ABCA13: variants seen among roughly 807,000 people sequenced by gnomAD.
ABCA13 encodes ATP-binding cassette sub-family A member 13.
A neutral mutation model predicts 478.7 loss-of-function variants in ABCA13; 476 were observed. That is an observed-to-expected ratio of 0.99 (90% CI 0.92 to 1.07). ABCA13 has a LOEUF of 1.07. Among genes scored for constraint, ABCA13 ranks in the 50% least tolerant of loss-of-function variants. The pLI is 0.00. For missense variants in ABCA13, 6,060 were observed against 5,910.6 expected (o/e 1.03, Z -0.83); for synonymous variants, 2,252 against 2,158.9 (o/e 1.04, Z -1.20).
chr7:48,367,995 C>G (rs1197881975), intron 32 of ABCA13, 87 bp downstream of exon 32: 1 of 1,029,748 alleles, frequency 9.7e-7, no homozygotes, highest in African/African-American at 1.6e-5. Flanking sequence ...CCAACCTGAG[C>G]CTCTCTGTTT....
rs563405686 is a variant in ABCA13 at position 48,335,908 on chromosome 7, A to G, written c.10113+373A>G. On this transcript the variant is annotated intron_variant, in intron 28 of 61. Transcript: ENST00000435803. ...AATATTTTTAAAAGGAACGACTTAC[A>G]GTTTAGAATGGCCTGACTCCATTAG... 2.6e-5 allele frequency among the ~76,000 whole-genome samples: 4 copies of G among 152,352 alleles called. No homozygotes were observed. In the East Asian group the frequency reaches 7.7e-4, roughly 29 times the overall value.
chr7:48,305,540 A>T (rs930223372), intron 23 of ABCA13, among the ~76,000 whole-genome samples: 1 of 152,164 alleles, frequency 6.6e-6, no homozygotes, highest in Non-Finnish European at 1.5e-5. Context: ...AGTTCCCTTG[A>T]ATCACTGTCC....
At chr7:48,526,347 T>A (rs1374315920) in intron 54 of ABCA13, among the ~76,000 whole-genome samples, 3 of 152,150 alleles carry the variant, frequency 2.0e-5, no homozygotes, top group Non-Finnish European at 4.4e-5. Flanking sequence ...TTGTAAAACA[T>A]TGACAGAATG....
intron 43 of ABCA13, 129 bp downstream of exon 43, chr7:48,455,415 T>G (rs1825555537): frequency 6.0e-6 from 8 of 1,330,558 alleles, no homozygotes; most frequent in Non-Finnish European, 8.0e-6. Flanking sequence ...TTCCGAGGTC[T>G]GAATTCACGA....
intron 55 of ABCA13, among the ~76,000 whole-genome samples, chr7:48,559,981 G>C (rs1786281636): frequency 6.6e-6 from 1 of 152,170 alleles, no homozygotes; most frequent in Admixed American, 6.5e-5. Flanking sequence ...GCCTTGGGTT[G>C]AGGGAAGGGT....
At chr7:48,641,814 T>C (rs1413671878) in intron 59 of ABCA13, among the ~76,000 whole-genome samples, 3 of 152,126 alleles carry the variant, frequency 2.0e-5, no homozygotes, top group Non-Finnish European at 4.4e-5. Flanking sequence ...CTCAATCCCT[T>C]CTTTTCATGA....
intron 58 of ABCA13, among the ~76,000 whole-genome samples, chr7:48,597,072 C>T (rs1290223255): frequency 6.6e-6 from 1 of 151,864 alleles, no homozygotes; most frequent in Non-Finnish European, 1.5e-5. Context: ...CTGCCTCAGC[C>T]TCCCGGGTAG....
intron 42 of ABCA13, among the ~76,000 whole-genome samples, chr7:48,441,658 C>T (rs1001827394): frequency 6.6e-6 from 1 of 152,184 alleles, no homozygotes; most frequent in Non-Finnish European, 1.5e-5. Context: ...GAGAAAGAAA[C>T]TATTTATTAG....
chr7:48,447,812 G>T (rs1424955908), intron 42 of ABCA13, among the ~76,000 whole-genome samples: 2 of 152,166 alleles, frequency 1.3e-5, no homozygotes, highest in Non-Finnish European at 2.9e-5. Context: ...TGAAGATATT[G>T]AGATGAATTT....
chr7:48,359,515 A>T (rs1314542012), intron 31 of ABCA13, among the ~76,000 whole-genome samples: 2 of 151,882 alleles, frequency 1.3e-5, no homozygotes, highest in South Asian at 4.1e-4. Context: ...GAGAGAGAGA[A>T]AGTGGAGGCC....
At position 48,239,326 on chromosome 7, in the gene ABCA13, T is replaced by C. The variant is rs1425749766; in HGVS notation, c.983T>C (p.Val328Ala). ...GATGAAGCTGAGAAATGGGGCCACG[T>C]TGGAGGCTGCCACCCTAAGTGGTCA... ...SEDEAEKWGH[V>A]GGCHPKWSEA... is the part of the protein sequence containing the mutation. The change falls in exon 9 of 62, where the codon GTT becomes GCT. Residue 328 changes from valine (V) to alanine (A), a missense_variant. Val to Ala is a moderately conservative substitution (Grantham distance 64, BLOSUM62 0). This residue lies in a region of ABCA13 where 4,423 missense variants were observed against 4,309.1 expected (regional missense o/e 1.03). Coordinates refer to ENST00000435803, the MANE Select transcript of ABCA13 (RefSeq NM_152701.5). 4 of 1,613,976 alleles carry C rather than the reference T, an allele frequency of 2.5e-6. No individual in the cohort carries two copies. Among genetic ancestry groups the C allele is most frequent in the African/African-American group, 1.3e-5 (1 of 75,050 alleles).
intron 43 of ABCA13, among the ~76,000 whole-genome samples, chr7:48,460,196 C>G (rs929172941): frequency 6.6e-6 from 1 of 152,190 alleles, no homozygotes; most frequent in South Asian, 2.1e-4. Context: ...ATCCCCTTCT[C>G]CTGTTAGCAT....
At chr7:48,307,629 A>G (rs1464779362) in intron 23 of ABCA13, among the ~76,000 whole-genome samples, 1 of 152,108 alleles carries the variant, frequency 6.6e-6, no homozygotes. Context: ...TCTTTCTTCA[A>G]TCATAGATTA....
intron 15 of ABCA13, among the ~76,000 whole-genome samples, chr7:48,259,535 C>T (rs924533265): frequency 7.2e-5 from 11 of 151,936 alleles, no homozygotes; most frequent in African/African-American, 2.7e-4. Context: ...CATATGGCGT[C>T]TTACTTCTTT....
chr7:48,616,555 A>G (rs1792591677), intron 59 of ABCA13, among the ~76,000 whole-genome samples: 4 of 152,170 alleles, frequency 2.6e-5, no homozygotes, highest in Admixed American at 2.0e-4. Context: ...GGTTTTCTCT[A>G]GCTGTTGCAT....
intron 1 of ABCA13, among the ~76,000 whole-genome samples, chr7:48,183,144 G>A (rs1041170986): frequency 1.7e-4 from 26 of 152,122 alleles, no homozygotes; most frequent in African/African-American, 6.3e-4. Context: ...CTCAGCCAAC[G>A]AGATCTTCTG....
chr7:48,419,833 C>G (rs1820507436), intron 41 of ABCA13, among the ~76,000 whole-genome samples: 1 of 152,156 alleles, frequency 6.6e-6, no homozygotes, highest in African/African-American at 2.4e-5. Flanking sequence ...GAAATTATCT[C>G]TCTAAGGGCA....
In ABCA13 at chr7:48,242,163, G is replaced by T. The variant is rs184091832; in HGVS notation, c.1262+1097G>T. ...AATAGAAACACCACATTAAGTCACC[G>T]TAATTATCCTACAAATCTCGAATGC... On this transcript the variant is annotated intron_variant, in intron 10 of 61. Coordinates refer to ENST00000435803, the MANE Select transcript of ABCA13 (RefSeq NM_152701.5). Among the ~76,000 whole-genome samples the T allele has an allele frequency of 1.5e-3, 234 of 152,150 alleles. 1 individual carries two copies. Among genetic ancestry groups the T allele is most frequent in the Admixed American group, 8.5e-3 (130 of 15,286 alleles).
intron 27 of ABCA13, among the ~76,000 whole-genome samples, chr7:48,318,781 A>G (rs1328757355): frequency 6.6e-6 from 1 of 152,040 alleles, no homozygotes; most frequent in Non-Finnish European, 1.5e-5. Flanking sequence ...TTCACAGAAA[A>G]TGGCTCCATA....
Sources: allele counts gnomAD v4.1 joint callset (sites outside exome capture counted in the v4.1 genomes callset), GRCh38; gene constraint gnomAD v4.1.1; regional missense constraint gnomAD v4.1.1; transcripts MANE v1.5; gene names NCBI Gene and HGNC (gene_info 2026-07-23, HGNC 2026-07-21).